TACC2: variants seen among roughly 807,000 people sequenced by gnomAD.
TACC2 encodes transforming acidic coiled-coil containing protein 2.
In TACC2, 137 loss-of-function variants were observed where a neutral mutation model predicts 227.3. The ratio of observed to expected loss-of-function variants is 0.60; its 90% CI spans 0.52 to 0.69. The LOEUF is 0.69. Ranked by LOEUF, TACC2 falls within the 30% of genes least tolerant of loss-of-function variation. TACC2 has a pLI of 0.00. For synonymous variants in TACC2, 1,523 were observed against 1,487.5 expected (o/e 1.02, Z -0.55); for missense variants, 3,470 against 3,694.4 (o/e 0.94, Z 1.57).
At position 122,249,614 on chromosome 10, in the gene TACC2, C is replaced by T. The variant is rs1449221633; in HGVS notation, c.8731C>T (p.Arg2911Trp). 5 of 1,613,800 alleles carry T rather than the reference C, an allele frequency of 3.1e-6. No homozygotes were observed. The highest frequency in any genetic ancestry group is 4.2e-6 in the Non-Finnish European group (5 of 1,179,914). ...GCAAGCCGCCCACCAGGCCAGCCTG[C>T]GGAAGGAGCAGCTGCGAGTGGACGC... ...QEQAAHQASLRKEQLRVDALE... is the reference protein window; with the variant it reads ...QEQAAHQASLWKEQLRVDALE... The change falls in exon 22 of 23, where the codon CGG becomes TGG. Residue 2911 changes from arginine to tryptophan, a missense_variant. Coordinates refer to ENST00000369005, the MANE Select transcript of TACC2 (RefSeq NM_206862.4).
At chr10:122,094,426 G>A (rs1159074993) in intron 5 of TACC2, among the ~76,000 whole-genome samples, 1 of 152,142 alleles carries the variant, frequency 6.6e-6, no homozygotes, top group South Asian at 2.1e-4. Context: ...CTGCAGGTGC[G>A]CGCCACTACA....
At chr10:122,232,144 C>T (rs1024317025) in intron 16 of TACC2, among the ~76,000 whole-genome samples, 1 of 152,230 alleles carries the variant, frequency 6.6e-6, no homozygotes, top group African/African-American at 2.4e-5. Context: ...AAACCATAAG[C>T]TTAGGTTGAA....
chr10:122,012,418 CAAAAA>C (rs752342348), intron 1 of TACC2, among the ~76,000 whole-genome samples: 6 of 60,726 alleles, frequency 9.9e-5, no homozygotes, highest in African/African-American at 4.3e-4. Flanking sequence ...GACTCCGTCT[CAAAAA>C]AAAAAAAAAA....
chr10:122,199,562 G>A lies in TACC2; in HGVS notation c.5971+4386G>A, dbSNP rs141360945. On this transcript the variant is annotated intron_variant, in intron 8 of 22. Transcript: ENST00000369005. The stretch of plus-strand genomic sequence containing the variant: ...GCACAGGGGTGGGTGTCACCATGGC[G>A]TGTGAAGAGCAGGGGGCTGTGGTTG... Among the ~76,000 whole-genome samples the A allele has an allele frequency of 5.6e-3, 847 of 152,302 alleles. 11 individuals carry two copies. Among genetic ancestry groups the A allele is most frequent in the African/African-American group, 0.019 (777 of 41,562 alleles).
At chr10:122,064,391 A>T (rs2077170054) in intron 3 of TACC2, among the ~76,000 whole-genome samples, 1 of 152,176 alleles carries the variant, frequency 6.6e-6, no homozygotes, top group South Asian at 2.1e-4. Flanking sequence ...ATATTGATAC[A>T]TTATTATTAA....
In TACC2 at chr10:122,056,266, C is replaced by G. The variant is rs373354589; in HGVS notation, c.146+5716C>G. On this transcript the variant is annotated intron_variant, in intron 3 of 22. Transcript: ENST00000369005. ...CTCAGCTCACTGCAACCTCCGCCTC[C>G]CGGGTTCTAGCGTTTCTCCTGCCTC... Among the ~76,000 whole-genome samples, 34 of 152,340 alleles carry G rather than the reference C, an allele frequency of 2.2e-4. No individual in the cohort carries two copies. The East Asian group carries it at 6.2e-3, about 28-fold the overall frequency.
At chr10:122,110,151 C>G (rs2083417527) in intron 5 of TACC2, among the ~76,000 whole-genome samples, 1 of 152,186 alleles carries the variant, frequency 6.6e-6, no homozygotes. Context: ...GATGCAGAAC[C>G]ATAGCCTGGT....
At chr10:122,128,996 C>T (rs1325427276) in intron 5 of TACC2, among the ~76,000 whole-genome samples, 1 of 151,306 alleles carries the variant, frequency 6.6e-6, no homozygotes, top group Non-Finnish European at 1.5e-5. Flanking sequence ...TAAGTTTTTT[C>T]AACCTATGTT....
chr10:122,085,564 G>C lies in TACC2; in HGVS notation c.3064G>C (p.Asp1022His), dbSNP rs999906345. ...GCATCCAGGAGCTTCTGAAGCAGCTGATGGTTGTTCCCCACTCTGGGGCTT... is the reference window on the plus strand; with the variant it reads ...GCATCCAGGAGCTTCTGAAGCAGCTCATGGTTGTTCCCCACTCTGGGGCTT... Reference protein sequence around the residue: ...QRHPGASEAADGCSPLWGLSK... With the variant: ...QRHPGASEAAHGCSPLWGLSK... The change falls in exon 4 of 23, where the codon GAT becomes CAT. Residue 1022 changes from aspartate to histidine, a missense_variant. Physicochemically the swap from Asp to His is moderately conservative, Grantham distance 81. Coordinates refer to ENST00000369005, the MANE Select transcript of TACC2 (RefSeq NM_206862.4). 6.2e-7 allele frequency: 1 copy of C among 1,613,330 alleles called. No individual in the cohort carries two copies. Among genetic ancestry groups the C allele is most frequent in the Non-Finnish European group, 8.5e-7 (1 of 1,180,044 alleles).
intron 8 of TACC2, among the ~76,000 whole-genome samples, chr10:122,196,259 T>G (rs375108337): frequency 5.3e-5 from 8 of 152,300 alleles, no homozygotes; most frequent in African/African-American, 1.9e-4. Flanking sequence ...CAGCCCGTTG[T>G]TTTGGAAAGG....
intron 18 of TACC2, among the ~76,000 whole-genome samples, chr10:122,238,449 A>G (rs2095905691): frequency 6.6e-6 from 1 of 152,106 alleles, no homozygotes; most frequent in Non-Finnish European, 1.5e-5. Context: ...TTTTTAATTA[A>G]TTAATTTATT....
chr10:122,149,070 C>T (rs1016124582), intron 7 of TACC2, among the ~76,000 whole-genome samples: 7 of 152,276 alleles, frequency 4.6e-5, no homozygotes, highest in African/African-American at 1.4e-4. Flanking sequence ...TGAAGCCAGG[C>T]GAGGGGTCTG....
chr10:122,006,954 C>G (rs1026929551), intron 1 of TACC2, among the ~76,000 whole-genome samples: 7 of 151,098 alleles, frequency 4.6e-5, no homozygotes, highest in Admixed American at 4.0e-4. Context: ...CTCTGCCTCC[C>G]GGGTTCCAGT....
chr10:122,204,369 T>A (rs997665029), intron 8 of TACC2, among the ~76,000 whole-genome samples: 2 of 152,190 alleles, frequency 1.3e-5, no homozygotes, highest in African/African-American at 4.8e-5. Context: ...GTTAAGTCAG[T>A]AACCGGCTGA....
chr10:122,123,887 C>T (rs1407511507), intron 5 of TACC2, among the ~76,000 whole-genome samples: 3 of 149,538 alleles, frequency 2.0e-5, no homozygotes, highest in Non-Finnish European at 4.4e-5. Context: ...AATCTCGGCT[C>T]ACTGCAACCT....
chr10:122,113,712 C>T (rs1468456557), intron 5 of TACC2, among the ~76,000 whole-genome samples: 1 of 152,264 alleles, frequency 6.6e-6, no homozygotes, highest in Non-Finnish European at 1.5e-5. Flanking sequence ...CGTGGACTAG[C>T]CATAAAACTC....
At chr10:122,031,132 A>G (rs1958899655) in intron 2 of TACC2, among the ~76,000 whole-genome samples, 1 of 152,178 alleles carries the variant, frequency 6.6e-6, no homozygotes, top group Non-Finnish European at 1.5e-5. Context: ...TTAAGGTTGT[A>G]AGAGACAGAA....
intron 11 of TACC2, among the ~76,000 whole-genome samples, chr10:122,224,066 T>C (rs1021152183): frequency 1.3e-5 from 2 of 152,196 alleles, no homozygotes; most frequent in African/African-American, 4.8e-5. Context: ...GCCGTCTCCA[T>C]TGAGTGTATG....
At chr10:122,021,105 CTG>C (rs1195723591) in intron 1 of TACC2, among the ~76,000 whole-genome samples, 1 of 152,076 alleles carries the variant, frequency 6.6e-6, no homozygotes, top group Non-Finnish European at 1.5e-5. Context: ...TGGCGGGCGT[CTG>C]TAATCCCAGC....
Sources: allele counts gnomAD v4.1 joint callset (sites outside exome capture counted in the v4.1 genomes callset), GRCh38; gene constraint gnomAD v4.1.1; transcripts MANE v1.5; gene names NCBI Gene and HGNC (gene_info 2026-07-23, HGNC 2026-07-21).